SHOX: variants seen among roughly 807,000 people sequenced by gnomAD.
The protein encoded by SHOX is SHOX homeobox, also known as short stature homeobox protein.
In SHOX, 12 loss-of-function variants were observed where a neutral mutation model predicts 29.6. That is an observed-to-expected ratio of 0.41 (90% confidence interval 0.26 to 0.66). The LOEUF (loss-of-function observed/expected upper bound fraction) is 0.66, where lower values mean the gene tolerates loss of function less well. Ranked by LOEUF, SHOX falls within the 30% of genes least tolerant of loss-of-function variation. The pLI, the probability that SHOX is intolerant of heterozygous loss-of-function variation, is 0.35. For synonymous variants in SHOX, 214 were observed against 200.6 expected, an observed-to-expected ratio of 1.07 and a Z score of -0.57; for missense variants, 499 against 437.7, an observed-to-expected ratio of 1.14 and a Z score of -1.25.
At chrX:631,335 G>C in intron 1 of SHOX, 161 bp downstream of exon 1, 1 of 421,516 alleles carries the variant, frequency 2.4e-6, no homozygotes, top group Non-Finnish European at 3.2e-6. Flanking sequence ...AAGGAAGGAA[G>C]GCAGGAGTGG....
upstream of SHOX, among the ~76,000 whole-genome samples, chrX:627,130 T>C (rs1435235581): frequency 6.6e-6 from 1 of 152,120 alleles, no homozygotes; most frequent in African/African-American, 2.4e-5. Context: ...AGCACCCCCT[T>C]GTACACAGCC....
chrX:642,307 G>T lies in SHOX; in HGVS notation c.633+1220G>T, dbSNP rs760386618. Among the ~76,000 whole-genome samples the T allele has an allele frequency of 1.8e-3, 279 of 152,168 alleles. 2 individuals carry two copies. The Middle Eastern group carries it at 0.031, about 17-fold the overall frequency. ...GCGCGGGCGGAACGGGCTTGGGGGGGGGGCTCTGGCAGGGCGGACGCGTGG... is the reference window on the plus strand; with the variant it reads ...GCGCGGGCGGAACGGGCTTGGGGGGTGGGCTCTGGCAGGGCGGACGCGTGG... On this transcript the variant is annotated intron_variant, in intron 4 of 4. Transcript: ENST00000686671.
At chrX:654,720 C>T (rs2053113584), downstream of SHOX, among the ~76,000 whole-genome samples, 1 of 152,112 alleles carries the variant, frequency 6.6e-6, no homozygotes, top group Non-Finnish European at 1.5e-5. Flanking sequence ...GAGTCTCGCT[C>T]TGTTGCCAGG....
chrX:626,620 A>T (rs1307578277), upstream of SHOX, among the ~76,000 whole-genome samples: 10 of 94,200 alleles, frequency 1.1e-4, 1 homozygote, highest in Admixed American at 7.7e-4. Context: ...CTCTCTCTGT[A>T]TCTCTGTCTC....
At chrX:634,914 G>A (rs921638654) in intron 2 of SHOX, 88 bp downstream of exon 2, 4 of 1,384,332 alleles carry the variant, frequency 2.9e-6, no homozygotes, top group Non-Finnish European at 2.9e-6. Flanking sequence ...CCTGCGCCCG[G>A]GCCGCCGCCG....
At chrX:640,590 CA>C (rs1231754578) in intron 2 of SHOX, among the ~76,000 whole-genome samples, 1 of 152,034 alleles carries the variant, frequency 6.6e-6, no homozygotes, top group African/African-American at 2.4e-5. Context: ...CCACCACCAC[CA>C]CAACAAAACA....
intron 1 of SHOX, among the ~76,000 whole-genome samples, chrX:631,530 T>TG (rs1556458422): frequency 6.6e-6 from 1 of 150,870 alleles, no homozygotes; most frequent in Non-Finnish European, 1.5e-5. Flanking sequence ...CCTTTCCTTT[T>TG]TTTGTTTGTT....
rs1382981686 is a variant in SHOX at position 650,164 on chromosome X, G to A, written c.*5528G>A. On this transcript the variant is annotated 3_prime_UTR_variant, in exon 5 of 5. Transcript: ENST00000686671. The stretch of plus-strand genomic sequence containing the variant: ...TCTTCTCCAGCGCCGTGGATAAAGA[G>A]ATGGGACAGATTCTGTGCCTCTGTA... Among the ~76,000 whole-genome samples, 1 of 152,222 alleles carries A rather than the reference G, an allele frequency of 6.6e-6. No homozygotes were observed. Among genetic ancestry groups the A allele is most frequent in the East Asian group, 1.9e-4 (1 of 5,188 alleles).
chrX:641,684 T>C (rs1305955276), intron 4 of SHOX, among the ~76,000 whole-genome samples: 2 of 67,316 alleles, frequency 3.0e-5, no homozygotes, highest in Non-Finnish European at 5.2e-5. Flanking sequence ...CAAGACTCCA[T>C]CTCAAAAAAA....
At chrX:640,902 C>T (rs1278243366) in intron 3 of SHOX, 24 bp downstream of exon 3, 1 of 1,613,872 alleles carries the variant, frequency 6.2e-7, no homozygotes, top group Non-Finnish European at 8.5e-7. Flanking sequence ...CTGGGGGGAC[C>T]TGAAGCTGGG....
At chrX:639,255 C>A (rs2052808235) in intron 2 of SHOX, among the ~76,000 whole-genome samples, 1 of 152,182 alleles carries the variant, frequency 6.6e-6, no homozygotes, top group East Asian at 1.9e-4. Context: ...GGCAGAATGC[C>A]CCCACCACAA....
chrX:648,639 G>A lies in SHOX; in HGVS notation c.*4003G>A, dbSNP rs17148916. 0.034 allele frequency among the ~76,000 whole-genome samples: 5,125 copies of A among 152,254 alleles called. 287 individuals are homozygous for A. Among genetic ancestry groups the A allele is most frequent in the African/African-American group, 0.12 (4,812 of 41,510 alleles). On this transcript the variant is annotated 3_prime_UTR_variant, in exon 5 of 5. Coordinates refer to ENST00000686671, the MANE Select transcript of SHOX (RefSeq NM_000451.4). Reference sequence around the variant, plus strand: ...GTGTCATCCTCACAAATGGGTCCCCGAAGCAGATCAAACGCAGAGAACTGT... The same window carrying A: ...GTGTCATCCTCACAAATGGGTCCCCAAAGCAGATCAAACGCAGAGAACTGT...
chrX:625,875 T>C (rs2052522154), upstream of SHOX, among the ~76,000 whole-genome samples: 1 of 81,088 alleles, frequency 1.2e-5, no homozygotes, highest in South Asian at 4.5e-4. Flanking sequence ...TCTCTGTCTC[T>C]CTTTCTCTCT....
intron 4 of SHOX, among the ~76,000 whole-genome samples, chrX:643,607 G>T (rs185862688): frequency 1.4e-5 from 2 of 143,960 alleles, no homozygotes; most frequent in African/African-American, 5.5e-5. Flanking sequence ...TGGGGACCTG[G>T]TGTCCTGGGA....
Position 644,800 on chromosome X carries a change from C to T in SHOX, c.*164C>T, listed in dbSNP as rs1166842057. On this transcript the variant is annotated 3_prime_UTR_variant, in exon 5 of 5. Transcript: ENST00000686671. ...GCCTGAGGAGGGAGGCTCCCGGGAC[C>T]GTCCACGCACGACCCAGCCAGACCC... The T allele has an allele frequency of 3.2e-6, 3 of 925,620 alleles. No homozygotes were observed. Among genetic ancestry groups the T allele is most frequent in the Non-Finnish European group, 4.4e-6 (3 of 680,670 alleles). The allele number at this position is 925,620 out of a possible 1,614,324, so 57.3% of individuals were successfully genotyped here. A position where few individuals can be genotyped will look rare whatever the true frequency, so the allele number is the denominator to read the frequency against.
At position 648,988 on chromosome X, in the gene SHOX, CT is replaced by C. The variant is rs2053009707; in HGVS notation, c.*4355del. Among the ~76,000 whole-genome samples the C allele has an allele frequency of 2.1e-5, 3 of 144,218 alleles. No individual in the cohort carries two copies. In the South Asian group the frequency reaches 6.8e-4, roughly 33 times the overall value. 94.6% of individuals were successfully genotyped at this position (144,218 alleles called of 152,430 possible). A position where few individuals can be genotyped will look rare whatever the true frequency, so the allele number is the denominator to read the frequency against. On this transcript the variant is annotated 3_prime_UTR_variant, in exon 5 of 5. Coordinates refer to ENST00000686671, the MANE Select transcript of SHOX (RefSeq NM_000451.4). ...TTCCTTTTTATCTTTCTCTCTTTTT[CT>C]TTCTCTTTTCCTTTTTTGTTTCTTT...
At position 645,321 on chromosome X, in the gene SHOX, T is replaced by A. The variant is rs2052945031; in HGVS notation, c.*685T>A. On this transcript the variant is annotated 3_prime_UTR_variant, in exon 5 of 5. Coordinates refer to ENST00000686671, the MANE Select transcript of SHOX (RefSeq NM_000451.4). ...GACTCCCACGTTCCGGGGACCTGAA[T>A]GAGGACCGACTTTATAACTTTTCCA... 6.6e-6 allele frequency: 1 copy of A among 150,744 alleles called. No homozygotes were observed. Among genetic ancestry groups the A allele is most frequent in the Non-Finnish European group, 1.5e-5 (1 of 67,902 alleles). 9.3% of individuals were successfully genotyped at this position (150,744 alleles called of 1,614,324 possible). A position where few individuals can be genotyped will look rare whatever the true frequency, so the allele number is the denominator to read the frequency against.
rs1414612496 is a variant in SHOX at position 644,477 on chromosome X, G to A, written c.720G>A (p.Met240Ile). ...TGGCGGCGCACGCGCCCTACCTGAT[G>A]TTCCCCCCGCCGCCCTTCGGGCTGC... ...PHLAAHAPYLMFPPPPFGLPI... is the reference protein window; with the variant it reads ...PHLAAHAPYLIFPPPPFGLPI... The change falls in exon 5 of 5, where the codon ATG (methionine) becomes ATA (isoleucine). Residue 240 changes from methionine to isoleucine, a missense_variant. Transcript: ENST00000686671. The A allele has an allele frequency of 3.9e-6, 6 of 1,524,024 alleles. No individual in the cohort carries two copies. Among genetic ancestry groups the A allele is most frequent in the Middle Eastern group, 2.2e-4 (1 of 4,582 alleles). 94.4% of individuals were successfully genotyped at this position (1,524,024 alleles called of 1,614,324 possible).
At position 650,005 on chromosome X, in the gene SHOX, A is replaced by C. The variant is rs1250814721; in HGVS notation, c.*5369A>C. 1 of 456,020 alleles carries C rather than the reference A, an allele frequency of 2.2e-6. No individual in the cohort carries two copies. Among genetic ancestry groups the C allele is most frequent in the South Asian group, 1.5e-5 (1 of 64,556 alleles). The allele number at this position is 456,020 out of a possible 1,614,324, so 28.2% of individuals were successfully genotyped here. A position where few individuals can be genotyped will look rare whatever the true frequency, so the allele number is the denominator to read the frequency against. On this transcript the variant is annotated 3_prime_UTR_variant, in exon 5 of 5. Transcript: ENST00000686671. ...CTATTAGATTTTCTTTCTCCGTTCG[A>C]GTCTCTGACTGGTGCATACTTTGCA...
Sources: allele counts gnomAD v4.1 joint callset (sites outside exome capture counted in the v4.1 genomes callset), GRCh38; gene constraint gnomAD v4.1.1; transcripts MANE v1.5; gene names NCBI Gene and HGNC (gene_info 2026-07-23, HGNC 2026-07-21).